The following MAP2K4 variants were observed in gnomAD, a reference collection of about 807,000 sequenced individuals.
MAP2K4 encodes the protein mitogen-activated protein kinase kinase 4.
MAP2K4 carries 4 observed loss-of-function variants against 48.5 expected under a neutral mutation model. That is an observed-to-expected ratio of 0.08 (90% CI 0.04 to 0.19). The LOEUF is 0.19. Ranked by LOEUF, MAP2K4 falls within the 10% of genes least tolerant of loss-of-function variation. MAP2K4 has a pLI of 1.00. For missense variants in MAP2K4, 258 were observed against 493.3 expected, an observed-to-expected ratio of 0.52 and a Z score of 4.52; for synonymous variants, 166 against 173.1, an observed-to-expected ratio of 0.96 and a Z score of 0.32.
chr17:12,097,547 C>T (rs543356848), intron 4 of MAP2K4, among the ~76,000 whole-genome samples: 1 of 152,196 alleles, frequency 6.6e-6, no homozygotes, highest in South Asian at 2.1e-4. Flanking sequence ...GTTTTGTTAT[C>T]ATGGATAGCT....
chr17:12,120,236 G>A (rs917113704), intron 7 of MAP2K4, among the ~76,000 whole-genome samples: 2 of 152,150 alleles, frequency 1.3e-5, no homozygotes, highest in Non-Finnish European at 2.9e-5. Context: ...CAAGGTAGGC[G>A]GATCACTTGA....
intron 9 of MAP2K4, among the ~76,000 whole-genome samples, chr17:12,131,726 T>A (rs1355739007): frequency 6.6e-6 from 1 of 150,996 alleles, no homozygotes; most frequent in African/African-American, 2.4e-5. Flanking sequence ...AAAGATTGAT[T>A]AAAAAAAAAT....
chr17:12,121,604 T>C (rs1452758731), intron 7 of MAP2K4, among the ~76,000 whole-genome samples: 1 of 151,264 alleles, frequency 6.6e-6, no homozygotes, highest in Non-Finnish European at 1.5e-5. Context: ...AGATTCCACA[T>C]TGATTTTAAT....
chr17:12,092,300 A>G (rs1971588152), intron 3 of MAP2K4, among the ~76,000 whole-genome samples: 1 of 152,180 alleles, frequency 6.6e-6, no homozygotes, highest in African/African-American at 2.4e-5. Context: ...CAAGTCATAT[A>G]ATTGGCGTCA....
At chr17:12,103,697 T>TCC (rs1222439770) in intron 4 of MAP2K4, among the ~76,000 whole-genome samples, 2 of 152,260 alleles carry the variant, frequency 1.3e-5, no homozygotes, top group African/African-American at 4.8e-5. Flanking sequence ...ATGTGCATTT[T>TCC]CCCCTACATT....
chr17:12,067,022 A>C (rs1298943784), intron 2 of MAP2K4, among the ~76,000 whole-genome samples: 1 of 151,886 alleles, frequency 6.6e-6, no homozygotes, highest in Non-Finnish European at 1.5e-5. Flanking sequence ...GGGTTTCACC[A>C]TGTTGGCCAG....
At chr17:12,106,187 G>A (rs1037221289) in intron 4 of MAP2K4, among the ~76,000 whole-genome samples, 2 of 152,074 alleles carry the variant, frequency 1.3e-5, no homozygotes, top group Non-Finnish European at 2.9e-5. Flanking sequence ...TGAAGTAAAT[G>A]TGCTGTATGT....
At chr17:12,126,170 G>T (rs1972844761) in intron 8 of MAP2K4, among the ~76,000 whole-genome samples, 1 of 152,070 alleles carries the variant, frequency 6.6e-6, no homozygotes, top group Non-Finnish European at 1.5e-5. Context: ...ATGAAATTTG[G>T]GTGGGGACAC....
intron 2 of MAP2K4, among the ~76,000 whole-genome samples, chr17:12,055,399 A>G (rs1970253698): frequency 6.6e-6 from 1 of 152,118 alleles, no homozygotes; most frequent in Non-Finnish European, 1.5e-5. Flanking sequence ...GTTAACATAA[A>G]GCAATACCTT....
chr17:12,090,686 G>C (rs1971534101), intron 3 of MAP2K4, among the ~76,000 whole-genome samples: 1 of 152,032 alleles, frequency 6.6e-6, no homozygotes, highest in South Asian at 2.1e-4. Flanking sequence ...AACAAATTTA[G>C]AAAATGAAGG....
At chr17:12,071,237 T>A (rs1451909598) in intron 2 of MAP2K4, among the ~76,000 whole-genome samples, 5 of 152,338 alleles carry the variant, frequency 3.3e-5, no homozygotes, top group Non-Finnish European at 7.4e-5. Context: ...CCTATCTTTT[T>A]TTTGTGTGGT....
Position 12,103,762 on chromosome 17 carries a change from C to T in MAP2K4, c.514-4028C>T, listed in dbSNP as rs28923203. On this transcript the variant is annotated intron_variant, in intron 4 of 10. Coordinates refer to ENST00000353533, the MANE Select transcript of MAP2K4 (RefSeq NM_003010.4). Reference sequence around the variant, plus strand: ...ATTTAAGTAAATGGAATCCTATATGCGTTCTTTATTGTACATTTTATTCAA... The same window carrying T: ...ATTTAAGTAAATGGAATCCTATATGTGTTCTTTATTGTACATTTTATTCAA... Among the ~76,000 whole-genome samples, 1,260 of 152,070 alleles carry T rather than the reference C, an allele frequency of 8.3e-3. 21 individuals carry two copies. Among genetic ancestry groups the T allele is most frequent in the African/African-American group, 0.029 (1,197 of 41,504 alleles).
At chr17:12,044,806 C>G (rs1481131309) in intron 1 of MAP2K4, among the ~76,000 whole-genome samples, 2 of 152,224 alleles carry the variant, frequency 1.3e-5, no homozygotes, top group Admixed American at 6.5e-5. Context: ...GAACTTCTGA[C>G]TGTCCGGCTC....
intron 2 of MAP2K4, among the ~76,000 whole-genome samples, chr17:12,075,773 C>T (rs1970980800): frequency 6.6e-6 from 1 of 152,174 alleles, no homozygotes; most frequent in African/African-American, 2.4e-5. Context: ...ACTTGGTACA[C>T]AGCCATTCCA....
At chr17:12,105,007 C>G (rs1002766152) in intron 4 of MAP2K4, among the ~76,000 whole-genome samples, 6 of 152,084 alleles carry the variant, frequency 3.9e-5, no homozygotes, top group Non-Finnish European at 5.9e-5. Context: ...CTATGATCTG[C>G]TTTGTTAACT....
At chr17:12,082,385 CCT>C (rs1175871082) in intron 3 of MAP2K4, among the ~76,000 whole-genome samples, 1 of 152,004 alleles carries the variant, frequency 6.6e-6, no homozygotes, top group Non-Finnish European at 1.5e-5. Context: ...GTGGCCATAC[CCT>C]CTCTGAGCTT....
intron 2 of MAP2K4, among the ~76,000 whole-genome samples, chr17:12,055,253 A>G (rs113110082): frequency 2.6e-5 from 4 of 152,254 alleles, no homozygotes; most frequent in Non-Finnish European, 4.4e-5. Flanking sequence ...GATTCCTGCA[A>G]GATTTCTATG....
In MAP2K4 at chr17:12,141,245, C is replaced by T. The variant is rs755660058; in HGVS notation, c.1185C>T (p.Pro395=). 2.0e-5 allele frequency: 32 copies of T among 1,612,432 alleles called. No individual in the cohort carries two copies. The highest frequency in any genetic ancestry group is 2.6e-5 in the Non-Finnish European group (31 of 1,178,626). Residue 395 remains proline (P), a synonymous_variant, in exon 11 of 11, where the codon CCC becomes CCT. Transcript: ENST00000353533. ...LDQMPATPSS[P]MYVD ...AAATGCCAGCTACTCCCAGCTCTCCCATGTATGTCGATTGATATCGCTGCT... is the reference window on the plus strand; with the variant it reads ...AAATGCCAGCTACTCCCAGCTCTCCTATGTATGTCGATTGATATCGCTGCT...
intron 4 of MAP2K4, among the ~76,000 whole-genome samples, chr17:12,096,874 ATTTC>A (rs1319248375): frequency 6.6e-6 from 1 of 152,102 alleles, no homozygotes; most frequent in Non-Finnish European, 1.5e-5. Flanking sequence ...GACAGAGCCC[ATTTC>A]TTTGTTGAAT....
Sources: gnomAD v4.1 joint callset for allele counts (sites outside exome capture counted in the v4.1 genomes callset) on GRCh38, gnomAD v4.1.1 for gene constraint, MANE v1.5 for transcripts, NCBI Gene and HGNC (gene_info 2026-07-23, HGNC 2026-07-21) for gene names.